The following CADM2 variants were observed in gnomAD, a reference collection of about 807,000 sequenced individuals.
CADM2 encodes immunoglobulin superfamily member 4D.
A neutral mutation model predicts 49.8 loss-of-function variants in CADM2; 12 were observed. That is an observed-to-expected ratio of 0.24 (90% CI 0.15 to 0.39). CADM2 has a LOEUF of 0.39. Among genes scored for constraint, CADM2 ranks in the 10% least tolerant of loss-of-function variants. CADM2 has a pLI of 1.00. For synonymous variants in CADM2, 214 were observed against 175.4 expected, an observed-to-expected ratio of 1.22 and a Z score of -1.74; for missense variants, 378 against 492.3, an observed-to-expected ratio of 0.77 and a Z score of 2.20.
chr3:85,985,667 T>C (rs1447863425), intron 8 of CADM2, among the ~76,000 whole-genome samples: 1 of 152,032 alleles, frequency 6.6e-6, no homozygotes, highest in Non-Finnish European at 1.5e-5. Flanking sequence ...TAAATGTAGA[T>C]GAATTTAGGG....
intron 1 of CADM2, among the ~76,000 whole-genome samples, chr3:85,501,278 A>C (rs2040105627): frequency 6.6e-6 from 1 of 152,192 alleles, no homozygotes; most frequent in African/African-American, 2.4e-5. Flanking sequence ...TAAAAGTTTT[A>C]AGTATCTTCT....
chr3:84,986,921 G>A (rs1014665828), intron 1 of CADM2, among the ~76,000 whole-genome samples: 11 of 151,490 alleles, frequency 7.3e-5, no homozygotes, highest in Non-Finnish European at 1.6e-4. Context: ...GTGTGGTGGC[G>A]CATACCTGTA....
At chr3:85,219,007 T>C (rs1370860387) in intron 1 of CADM2, among the ~76,000 whole-genome samples, 1 of 152,132 alleles carries the variant, frequency 6.6e-6, no homozygotes, top group Admixed American at 6.5e-5. Flanking sequence ...ATCATGAAGA[T>C]GATTGTGTAA....
intron 3 of CADM2, among the ~76,000 whole-genome samples, chr3:85,870,677 C>A (rs2075894362): frequency 6.6e-6 from 1 of 152,108 alleles, no homozygotes; most frequent in African/African-American, 2.4e-5. Context: ...AATTCCATGT[C>A]TTTGCTATTG....
chr3:85,185,975 T>A (rs2107713453), intron 1 of CADM2, among the ~76,000 whole-genome samples: 1 of 152,290 alleles, frequency 6.6e-6, no homozygotes, highest in Non-Finnish European at 1.5e-5. Context: ...TTTAGCTTGA[T>A]CTATCTAGCA....
intron 1 of CADM2, among the ~76,000 whole-genome samples, chr3:85,332,066 C>G (rs768299536): frequency 1.3e-5 from 2 of 151,906 alleles, no homozygotes; most frequent in African/African-American, 4.8e-5. Flanking sequence ...ATTAAGGGAT[C>G]AATTGAAAAT....
intron 1 of CADM2, among the ~76,000 whole-genome samples, chr3:85,390,688 T>C (rs1239516873): frequency 6.6e-6 from 1 of 152,044 alleles, no homozygotes; most frequent in African/African-American, 2.4e-5. Flanking sequence ...TGAACAAATA[T>C]AAAATGCATT....
At chr3:85,734,474 T>G (rs2068050312) in intron 2 of CADM2, among the ~76,000 whole-genome samples, 1 of 151,480 alleles carries the variant, frequency 6.6e-6, no homozygotes, top group African/African-American at 2.4e-5. Context: ...CATGTAGCAC[T>G]ATGATAAGAT....
intron 7 of CADM2, among the ~76,000 whole-genome samples, chr3:85,955,888 A>G (rs962986852): frequency 6.6e-6 from 1 of 151,650 alleles, no homozygotes; most frequent in African/African-American, 2.4e-5. Flanking sequence ...GAATAAATGT[A>G]TAAACATATT....
chr3:85,881,040 A>G (rs1004038937), intron 3 of CADM2, among the ~76,000 whole-genome samples: 1 of 151,656 alleles, frequency 6.6e-6, no homozygotes, highest in Non-Finnish European at 1.5e-5. Flanking sequence ...ATATTTTGTT[A>G]TTGTCTCACA....
chr3:85,205,018 A>AT (rs201950814), intron 1 of CADM2, among the ~76,000 whole-genome samples: 1,659 of 141,066 alleles, frequency 0.012, 17 homozygotes, highest in Admixed American at 0.028. Flanking sequence ...ACTTTACTTA[A>AT]TTTTTTTTTT....
At position 85,688,564 on chromosome 3, in the gene CADM2, C is replaced by CTTTT. The variant is rs71112107; in HGVS notation, c.62-37946_62-37943dup. Among the ~76,000 whole-genome samples the CTTTT allele has an allele frequency of 5.9e-5, 8 of 135,532 alleles. 1 individual carries two copies. The East Asian group carries it at 6.4e-4, about 11-fold the overall frequency. 88.9% of individuals were successfully genotyped at this position (135,532 alleles called of 152,430 possible). On this transcript the variant is annotated intron_variant, in intron 1 of 9. Coordinates refer to ENST00000383699, the MANE Select transcript of CADM2 (RefSeq NM_001167675.2). ...AAATTTGGCAGTTTATTTATTTATT[C>CTTTT]TTTTTTTTTTTTTTTGAGACAGTGT... is the stretch of plus-strand genomic sequence containing the variant.
At chr3:85,493,897 T>C (rs1326585361) in intron 1 of CADM2, among the ~76,000 whole-genome samples, 2 of 152,208 alleles carry the variant, frequency 1.3e-5, no homozygotes, top group East Asian at 3.9e-4. Flanking sequence ...ATTTTTTATT[T>C]TTTATGGAAA....
intron 1 of CADM2, among the ~76,000 whole-genome samples, chr3:85,672,735 G>T (rs977893971): frequency 1.3e-5 from 2 of 152,076 alleles, no homozygotes; most frequent in Non-Finnish European, 2.9e-5. Flanking sequence ...CATAAAAATA[G>T]TTATAAAATA....
At chr3:85,828,468 T>A (rs921065797) in intron 3 of CADM2, among the ~76,000 whole-genome samples, 3 of 151,926 alleles carry the variant, frequency 2.0e-5, no homozygotes, top group Admixed American at 2.0e-4. Flanking sequence ...CAGTTATAAT[T>A]TTCAATGACA....
At chr3:85,563,417 G>A (rs1307644514) in intron 1 of CADM2, among the ~76,000 whole-genome samples, 1 of 147,122 alleles carries the variant, frequency 6.8e-6, no homozygotes, top group Admixed American at 6.8e-5. Flanking sequence ...TGTGTGGGGG[G>A]GTGGTAATTT....
At chr3:85,146,295 AG>A (rs1380234815) in intron 1 of CADM2, among the ~76,000 whole-genome samples, 1 of 152,170 alleles carries the variant, frequency 6.6e-6, no homozygotes, top group Non-Finnish European at 1.5e-5. Context: ...GCTTTGTATT[AG>A]GGTATAAATT....
At chr3:85,806,214 G>T (rs1185820447) in intron 3 of CADM2, among the ~76,000 whole-genome samples, 2 of 149,378 alleles carry the variant, frequency 1.3e-5, no homozygotes, top group Admixed American at 1.3e-4. Flanking sequence ...AAAGAAGGAA[G>T]GAAGGAAGGA....
chr3:85,036,662 G>A lies in CADM2; in HGVS notation c.61+76994G>A, dbSNP rs140296240. On this transcript the variant is annotated intron_variant, in intron 1 of 9. Transcript: ENST00000383699. Reference sequence around the variant, plus strand: ...GCTAGAAGTAACTCTATTATATCCCGTTTTCTTTATAATTGCTTTTAATGG... The same window carrying A: ...GCTAGAAGTAACTCTATTATATCCCATTTTCTTTATAATTGCTTTTAATGG... Among the ~76,000 whole-genome samples the A allele has an allele frequency of 1.9e-4, 29 of 151,934 alleles. 2 individuals carry two copies. Among genetic ancestry groups the A allele is most frequent in the African/African-American group, 6.0e-4 (25 of 41,432 alleles).
Sources: gnomAD v4.1 joint callset for allele counts (sites outside exome capture counted in the v4.1 genomes callset) on GRCh38, gnomAD v4.1.1 for gene constraint, MANE v1.5 for transcripts, NCBI Gene and HGNC (gene_info 2026-07-23, HGNC 2026-07-21) for gene names.